The following HDAC4 variants were observed in gnomAD, a reference collection of about 807,000 sequenced individuals.
HDAC4 encodes the protein histone deacetylase A.
A neutral mutation model predicts 135.1 loss-of-function variants in HDAC4; 16 were observed. The observed-to-expected ratio is 0.12, with a 90% confidence interval of 0.08 to 0.18. The LOEUF (loss-of-function observed/expected upper bound fraction) is 0.18. HDAC4 is among the 10% of genes least tolerant of loss of function. The pLI is 1.00. For missense variants in HDAC4, 1,143 were observed against 1,511.8 expected (o/e 0.76, Z 4.05); for synonymous variants, 685 against 653.4 (o/e 1.05, Z -0.74).
intron 9 of HDAC4, among the ~76,000 whole-genome samples, chr2:239,138,940 C>T (rs897511072): frequency 2.0e-5 from 3 of 152,210 alleles, no homozygotes; most frequent in African/African-American, 7.2e-5. Flanking sequence ...CTCCTCCCTG[C>T]CTTGCCACTC....
intron 12 of HDAC4, among the ~76,000 whole-genome samples, chr2:239,121,685 G>A (rs895039793): frequency 7.9e-5 from 12 of 152,242 alleles, no homozygotes; most frequent in South Asian, 2.1e-4. Context: ...GTGGGCCTCC[G>A]GCGAGGGCTC....
intron 16 of HDAC4, 69 bp from the exon 17 acceptor site, chr2:239,095,125 C>A (rs1475731487): frequency 6.4e-7 from 1 of 1,562,168 alleles, no homozygotes; most frequent in South Asian, 1.1e-5. Context: ...AGGCCCTGGG[C>A]GCACTCCGGG....
At chr2:239,110,183 T>C (rs1019083100) in intron 14 of HDAC4, among the ~76,000 whole-genome samples, 2 of 152,214 alleles carry the variant, frequency 1.3e-5, no homozygotes, top group Admixed American at 6.5e-5. Context: ...TTAAAGCAAA[T>C]ACTAACAACC....
In HDAC4 at chr2:239,156,704, G is replaced by A. The variant is rs148880349; in HGVS notation, c.681C>T (p.His227=). Residue 227 remains histidine (H), a synonymous_variant, in exon 7 of 27, where the codon CAC becomes CAT. Coordinates refer to ENST00000543185, the MANE Select transcript of HDAC4 (RefSeq NM_001378414.1). ...PQSGVSTSYN[H]PVLGMYDAKD... is the part of the protein sequence containing the mutation. ...TGGCGTCGTACATTCCCAGGACCGG[G>A]TGGTTATAGGAGGTCGACACTCCGC... 7.0e-4 allele frequency: 1,127 copies of A among 1,614,040 alleles called. 2 individuals are homozygous for A. The highest frequency in any genetic ancestry group is 9.1e-4 in the Non-Finnish European group (1,071 of 1,180,026).
chr2:239,055,027 T>A (rs567552158), intron 24 of HDAC4, among the ~76,000 whole-genome samples, 194 bp from the exon 25 acceptor site: 178 of 152,216 alleles, frequency 1.2e-3, no homozygotes, highest in African/African-American at 4.1e-3. Context: ...AAAGTGGATT[T>A]TTTTTTAGGA....
chr2:239,100,035 G>C (rs547690316), intron 16 of HDAC4, among the ~76,000 whole-genome samples: 117 of 152,354 alleles, frequency 7.7e-4, no homozygotes, highest in African/African-American at 2.7e-3. Flanking sequence ...CTTAAAACTG[G>C]CATGGCCGCA....
At chr2:239,067,669 T>A (rs1445334042) in intron 23 of HDAC4, among the ~76,000 whole-genome samples, 2 of 152,152 alleles carry the variant, frequency 1.3e-5, no homozygotes, top group Non-Finnish European at 2.9e-5. Flanking sequence ...CTGCACGGCC[T>A]GGTGGACTGT....
At chr2:239,257,610 T>G (rs1050236829) in intron 2 of HDAC4, among the ~76,000 whole-genome samples, 5 of 152,148 alleles carry the variant, frequency 3.3e-5, no homozygotes, top group Admixed American at 6.5e-5. Flanking sequence ...CCACAATAAA[T>G]GGACCCTCAA....
chr2:239,114,246 G>A (rs965254190), intron 13 of HDAC4, among the ~76,000 whole-genome samples: 1 of 152,184 alleles, frequency 6.6e-6, no homozygotes. Flanking sequence ...GTGCTCAACG[G>A]CACGGCCGGC....
chr2:239,385,801 C>T (rs987061330), intron 1 of HDAC4, among the ~76,000 whole-genome samples: 1 of 152,190 alleles, frequency 6.6e-6, no homozygotes, highest in African/African-American at 2.4e-5. Context: ...GCCGAGGAAG[C>T]CACGGAGGCT....
chr2:239,283,525 A>T (rs1263981035), intron 2 of HDAC4, among the ~76,000 whole-genome samples: 1 of 152,254 alleles, frequency 6.6e-6, no homozygotes, highest in African/African-American at 2.4e-5. Context: ...GGGCCTGACC[A>T]CACCTGGGCG....
At chr2:239,180,302 C>T (rs1332511564) in intron 4 of HDAC4, among the ~76,000 whole-genome samples, 1 of 152,172 alleles carries the variant, frequency 6.6e-6, no homozygotes, top group Non-Finnish European at 1.5e-5. Context: ...CAAGCCCTTT[C>T]ATGGTCACAG....
In HDAC4 at chr2:239,049,469, A is replaced by G. The variant is rs2030484569; in HGVS notation, c.*3628T>C. 2 of 151,780 alleles carry G rather than the reference A, an allele frequency of 1.3e-5. No individual in the cohort carries two copies. Among genetic ancestry groups the G allele is most frequent in the East Asian group, 3.9e-4 (2 of 5,186 alleles). 9.4% of individuals were successfully genotyped at this position (151,780 alleles called of 1,614,324 possible). ...GAAACTTAAAAAAATATATTCATAT[A>G]TATTTATATCTATATATTTATATAT... On this transcript the variant is annotated 3_prime_UTR_variant, in exon 27 of 27. Coordinates refer to ENST00000543185, the MANE Select transcript of HDAC4 (RefSeq NM_001378414.1).
intron 1 of HDAC4, among the ~76,000 whole-genome samples, chr2:239,358,768 T>C (rs1693678240): frequency 6.6e-6 from 1 of 152,246 alleles, no homozygotes; most frequent in South Asian, 2.1e-4. Context: ...TCCTATTATC[T>C]ACAGTATCTT....
At chr2:239,202,215 G>C (rs1311569228) in intron 3 of HDAC4, among the ~76,000 whole-genome samples, 1 of 152,230 alleles carries the variant, frequency 6.6e-6, no homozygotes, top group Non-Finnish European at 1.5e-5. Flanking sequence ...ATAGTAGGAA[G>C]CTCTGCAGTC....
chr2:239,337,119 T>C (rs1175246716), intron 2 of HDAC4, among the ~76,000 whole-genome samples: 1 of 152,186 alleles, frequency 6.6e-6, no homozygotes, highest in Non-Finnish European at 1.5e-5. Context: ...ATCATATGAA[T>C]TGATTTTTAA....
At chr2:239,085,375 C>T (rs749835572) in intron 19 of HDAC4, among the ~76,000 whole-genome samples, 14 of 152,176 alleles carry the variant, frequency 9.2e-5, no homozygotes, top group East Asian at 3.9e-4. Flanking sequence ...ACCACAGAAA[C>T]GGAGAAACAC....
intron 1 of HDAC4, among the ~76,000 whole-genome samples, chr2:239,399,952 T>G (rs1191674020): frequency 1.3e-5 from 2 of 152,218 alleles, no homozygotes; most frequent in Non-Finnish European, 2.9e-5. Context: ...TATTACAAAT[T>G]TTTGATGTGC....
chr2:239,182,607 CTTGTA>C (rs2044224043), intron 4 of HDAC4, among the ~76,000 whole-genome samples: 2 of 151,992 alleles, frequency 1.3e-5, no homozygotes, highest in African/African-American at 4.8e-5. Context: ...GGCTTCGCTA[CTTGTA>C]GGGAGGCATT....
Sources: gnomAD v4.1 joint callset for allele counts (sites outside exome capture counted in the v4.1 genomes callset) on GRCh38, gnomAD v4.1.1 for gene constraint, MANE v1.5 for transcripts, NCBI Gene and HGNC (gene_info 2026-07-23, HGNC 2026-07-21) for gene names.